The following ANKS1A variants were observed in gnomAD, a reference collection of about 807,000 sequenced individuals.
The protein encoded by ANKS1A is ankyrin repeat and SAM domain-containing protein 1A.
Under a neutral mutation model 120.3 loss-of-function variants are expected in ANKS1A, and 55 were observed. That is an observed-to-expected ratio of 0.46 (90% CI 0.37 to 0.57). ANKS1A has a LOEUF of 0.57. ANKS1A is among the 20% of genes least tolerant of loss of function. The probability of loss-of-function intolerance (pLI) is 0.00; values close to 1 mark genes in which losing one functional copy is unlikely to be tolerated. For synonymous variants in ANKS1A, 590 were observed against 604.7 expected, an observed-to-expected ratio of 0.98 and a Z score of 0.36; for missense variants, 1,123 against 1,480.3, an observed-to-expected ratio of 0.76 and a Z score of 3.96.
At chr6:35,074,215 G>A (rs965214130) in intron 13 of ANKS1A, among the ~76,000 whole-genome samples, 3 of 152,234 alleles carry the variant, frequency 2.0e-5, no homozygotes, top group Non-Finnish European at 2.9e-5. Context: ...CTGCGGTGCC[G>A]CAGTCACTCT....
chr6:35,041,269 G>T (rs1319355294), intron 11 of ANKS1A, among the ~76,000 whole-genome samples: 1 of 152,168 alleles, frequency 6.6e-6, no homozygotes, highest in Non-Finnish European at 1.5e-5. Context: ...AGCCCCTAGA[G>T]AACAGTTGTT....
intron 1 of ANKS1A, among the ~76,000 whole-genome samples, chr6:34,941,145 GC>G (rs1769511937): frequency 6.6e-6 from 1 of 151,686 alleles, no homozygotes; most frequent in Non-Finnish European, 1.5e-5. Flanking sequence ...GTGCCACCAC[GC>G]CCGGCTAATT....
chr6:35,043,695 A>G (rs1047020287), intron 11 of ANKS1A, among the ~76,000 whole-genome samples: 1 of 152,216 alleles, frequency 6.6e-6, no homozygotes, highest in Middle Eastern at 3.2e-3. Context: ...AAAAAGAATC[A>G]AACAATTTAA....
At position 35,081,250 on chromosome 6, in the gene ANKS1A, G is replaced by C. The variant is rs1777657689; in HGVS notation, c.2709+92G>C. 5 of 1,431,940 alleles carry C rather than the reference G, an allele frequency of 3.5e-6. No homozygotes were observed. The Admixed American group carries it at 1.2e-4, about 34-fold the overall frequency. The allele number at this position is 1,431,940 out of a possible 1,614,324, so 88.7% of individuals were successfully genotyped here. ...CAGAACCACCTGCTGCCCCATACTT[G>C]AGCACAGTTGGGCTGGCACCAGAGT... On this transcript the variant is annotated intron_variant, in intron 17 of 23. Coordinates refer to ENST00000360359, the MANE Select transcript of ANKS1A (RefSeq NM_015245.3).
intron 1 of ANKS1A, among the ~76,000 whole-genome samples, chr6:34,926,447 A>G (rs911144199): frequency 1.3e-5 from 2 of 152,204 alleles, no homozygotes; most frequent in African/African-American, 4.8e-5. Flanking sequence ...TAGAGTTCCC[A>G]AAATGGAAAC....
chr6:34,983,367 C>T lies in ANKS1A; in HGVS notation c.954C>T (p.Thr318=), dbSNP rs750316121. 1.2e-6 allele frequency: 2 copies of T among 1,613,278 alleles called. No homozygotes were observed. The highest frequency in any genetic ancestry group is 1.7e-6 in the Non-Finnish European group (2 of 1,179,860). The stretch of plus-strand genomic sequence containing the variant: ...GAAGTACAAAAGAAGTAGATAAAAC[C>T]CCCCCACCCCAGCCACCTCTCATCT... ...GKRSTKEVDK[T]PPPQPPLISS... Residue 318 remains threonine, a synonymous_variant, in exon 7 of 24, where the codon ACC becomes ACT. Coordinates refer to ENST00000360359, the MANE Select transcript of ANKS1A (RefSeq NM_015245.3).
intron 1 of ANKS1A, among the ~76,000 whole-genome samples, chr6:34,903,790 C>T (rs9394255): frequency 0.073 from 11,101 of 152,152 alleles, 613 homozygotes; most frequent in East Asian, 0.23. Context: ...GTTGGGATTA[C>T]AGGCATGAGC....
chr6:34,994,274 A>G (rs1772728173), intron 9 of ANKS1A, 28 bp from the exon 10 acceptor site: 1 of 1,610,400 alleles, frequency 6.2e-7, no homozygotes, highest in Non-Finnish European at 8.5e-7. Flanking sequence ...CACATGCACA[A>G]GATACACTGG....
intron 1 of ANKS1A, among the ~76,000 whole-genome samples, chr6:34,936,880 G>A (rs1482339421): frequency 6.6e-6 from 1 of 152,134 alleles, no homozygotes; most frequent in Non-Finnish European, 1.5e-5. Flanking sequence ...AAACTGATAT[G>A]TAGCTTCATC....
intron 1 of ANKS1A, among the ~76,000 whole-genome samples, chr6:34,915,986 CTT>C (rs202041070): frequency 1.4e-4 from 15 of 104,566 alleles, no homozygotes; most frequent in Admixed American, 4.0e-4. Context: ...ATGTCTGGAT[CTT>C]TTTTTTTTTT....
At chr6:35,078,733 A>AT in intron 14 of ANKS1A, 77 bp downstream of exon 14, 1 of 1,392,466 alleles carries the variant, frequency 7.2e-7, no homozygotes, top group Non-Finnish European at 1.0e-6. Context: ...CACCAAGAAC[A>AT]GGGGAGGAGC....
intron 1 of ANKS1A, among the ~76,000 whole-genome samples, chr6:34,895,590 T>C (rs1228806759): frequency 1.3e-5 from 2 of 152,020 alleles, no homozygotes; most frequent in African/African-American, 4.8e-5. Context: ...ACACTGACCA[T>C]GTAAGGATTG....
rs542503478 is a variant in ANKS1A at position 35,090,471 on chromosome 6, G to C, written c.*1862G>C. 1 of 1,158,570 alleles carries C rather than the reference G, an allele frequency of 8.6e-7. No individual in the cohort carries two copies. Among genetic ancestry groups the C allele is most frequent in the South Asian group, 1.8e-5 (1 of 55,808 alleles). The allele number at this position is 1,158,570 out of a possible 1,614,324, so 71.8% of individuals were successfully genotyped here. Reference sequence around the variant, plus strand: ...CTCCTCAAGCTGTCTTTTGTGCTTAGATCATCCATAGGTGTTTCTTCTGCT... The same window carrying C: ...CTCCTCAAGCTGTCTTTTGTGCTTACATCATCCATAGGTGTTTCTTCTGCT... On this transcript the variant is annotated 3_prime_UTR_variant, in exon 24 of 24. Coordinates refer to ENST00000360359, the MANE Select transcript of ANKS1A (RefSeq NM_015245.3).
chr6:34,976,854 G>A (rs1771626789), intron 3 of ANKS1A, among the ~76,000 whole-genome samples: 1 of 151,926 alleles, frequency 6.6e-6, no homozygotes, highest in Non-Finnish European at 1.5e-5. Flanking sequence ...TGGACATTAT[G>A]ACCCTTTAAT....
At position 35,083,498 on chromosome 6, in the gene ANKS1A, A is replaced by G; in HGVS notation, c.2989A>G (p.Asn997Asp). 6.2e-7 allele frequency: 1 copy of G among 1,613,988 alleles called. No individual in the cohort carries two copies. The highest frequency in any genetic ancestry group is 8.5e-7 in the Non-Finnish European group (1 of 1,179,910). Residue 997 changes from asparagine to aspartate, a missense_variant, in exon 20 of 24, where the codon AAC becomes GAC. Asn to Asp is a conservative substitution (Grantham distance 23, BLOSUM62 1). Coordinates refer to ENST00000360359, the MANE Select transcript of ANKS1A (RefSeq NM_015245.3). The part of the protein sequence containing the change: ...YKGVKFIDAS[N>D]KNVIAEHEIR... ...AGGTGTCAAGTTCATCGATGCCTCC[A>G]ACAAGGTGTGCTGCTTACAGGGACT...
In ANKS1A at chr6:34,906,256, G is replaced by A. The variant is rs368719079; in HGVS notation, c.197+16657G>A. 4.6e-5 allele frequency among the ~76,000 whole-genome samples: 7 copies of A among 152,244 alleles called. No individual in the cohort carries two copies. The South Asian group carries it at 1.5e-3, about 32-fold the overall frequency. On this transcript the variant is annotated intron_variant, in intron 1 of 23. Coordinates refer to ENST00000360359, the MANE Select transcript of ANKS1A (RefSeq NM_015245.3). ...GCAGAGTTAGACTGGGGAAAGGAGC[G>A]ACTGCTTACTGTCCTCTTACTGTGT...
At chr6:35,083,590 C>T in intron 20 of ANKS1A, 87 bp downstream of exon 20, 1 of 1,267,518 alleles carries the variant, frequency 7.9e-7, no homozygotes, top group South Asian at 1.2e-5. Context: ...ACCCGGCTGC[C>T]CTGTCTCATC....
chr6:34,895,151 C>T (rs944129057), intron 1 of ANKS1A, among the ~76,000 whole-genome samples: 2 of 148,828 alleles, frequency 1.3e-5, no homozygotes, highest in East Asian at 3.9e-4. Flanking sequence ...GCAAGTAATT[C>T]ATTGTTGTAA....
At position 35,083,482 on chromosome 6, in the gene ANKS1A, G is replaced by A. The variant is rs763550011; in HGVS notation, c.2973G>A (p.Lys991=). Residue 991 remains lysine, a synonymous_variant, in exon 20 of 24, where the codon AAG becomes AAA. Coordinates refer to ENST00000360359, the MANE Select transcript of ANKS1A (RefSeq NM_015245.3). Reference sequence around the variant, plus strand: ...TGTCCATCACATACAAAGGTGTCAAGTTCATCGATGCCTCCAACAAGGTGT... The same window carrying A: ...TGTCCATCACATACAAAGGTGTCAAATTCATCGATGCCTCCAACAAGGTGT... ...IILSITYKGV[K]FIDASNKNVI... 10 of 1,613,992 alleles carry A rather than the reference G, an allele frequency of 6.2e-6. No homozygotes were observed. Among genetic ancestry groups the A allele is most frequent in the Middle Eastern group, 1.6e-4 (1 of 6,084 alleles).
Sources: gnomAD v4.1 joint callset for allele counts (sites outside exome capture counted in the v4.1 genomes callset) on GRCh38, gnomAD v4.1.1 for gene constraint, MANE v1.5 for transcripts, NCBI Gene and HGNC (gene_info 2026-07-23, HGNC 2026-07-21) for gene names.